ATRNL1: variants seen among roughly 807,000 people sequenced by gnomAD.
ATRNL1 encodes attractin like 1, also known as attractin-like protein 1.
In ATRNL1, 95 loss-of-function variants were observed where a neutral mutation model predicts 182.7. The observed-to-expected ratio is 0.52, with a 90% CI of 0.44 to 0.62. The LOEUF (loss-of-function observed/expected upper bound fraction) is 0.62, where lower values mean the gene tolerates loss of function less well. ATRNL1 is among the 20% of genes least tolerant of loss of function. The probability of loss-of-function intolerance (pLI) is 0.00; values close to 1 mark genes in which losing one functional copy is unlikely to be tolerated. For synonymous variants in ATRNL1, 576 were observed against 568.3 expected, an observed-to-expected ratio of 1.01 and a Z score of -0.19; for missense variants, 1,471 against 1,679.5, an observed-to-expected ratio of 0.88 and a Z score of 2.17.
chr10:115,615,232 T>C (rs1857371739), intron 26 of ATRNL1, among the ~76,000 whole-genome samples: 1 of 152,080 alleles, frequency 6.6e-6, no homozygotes, highest in Non-Finnish European at 1.5e-5. Flanking sequence ...TTTATAATAA[T>C]ATATACTGTA....
chr10:115,096,651 C>T (rs1007569891), intron 1 of ATRNL1: 32 of 1,288,370 alleles, frequency 2.5e-5, no homozygotes, highest in East Asian at 2.2e-4. Flanking sequence ...ATAGGGATTT[C>T]GCCAGGGAAT....
At chr10:115,757,723 A>G (rs1392684654) in intron 27 of ATRNL1, among the ~76,000 whole-genome samples, 1 of 152,096 alleles carries the variant, frequency 6.6e-6, no homozygotes. Context: ...TAGGTTGGGG[A>G]AGGTCTCTTG....
intron 25 of ATRNL1, among the ~76,000 whole-genome samples, chr10:115,524,159 C>T (rs1380523855): frequency 3.3e-5 from 5 of 152,122 alleles, no homozygotes; most frequent in Admixed American, 6.5e-5. Context: ...TGAGACACAA[C>T]GATGGCACAA....
intron 24 of ATRNL1, among the ~76,000 whole-genome samples, chr10:115,493,553 G>T (rs1157654326): frequency 6.6e-6 from 1 of 152,018 alleles, no homozygotes; most frequent in Non-Finnish European, 1.5e-5. Flanking sequence ...CTTTTCTATT[G>T]TGAATACTGC....
At chr10:115,475,190 T>C (rs907994999) in intron 24 of ATRNL1, among the ~76,000 whole-genome samples, 2 of 151,672 alleles carry the variant, frequency 1.3e-5, no homozygotes, top group East Asian at 3.9e-4. Flanking sequence ...AGTAGAGATA[T>C]GATGTTTTTA....
intron 19 of ATRNL1, among the ~76,000 whole-genome samples, chr10:115,354,663 G>A (rs1479954691): frequency 1.3e-5 from 2 of 151,898 alleles, no homozygotes; most frequent in African/African-American, 2.4e-5. Context: ...ATGTCTTGTG[G>A]TAGTCTTATT....
At chr10:115,648,456 TTA>T (rs1434931079) in intron 26 of ATRNL1, among the ~76,000 whole-genome samples, 2 of 152,100 alleles carry the variant, frequency 1.3e-5, no homozygotes, top group African/African-American at 4.8e-5. Context: ...AAAAACTACT[TTA>T]AAGTTCACAT....
At chr10:115,356,975 G>C (rs1856531977) in intron 19 of ATRNL1, among the ~76,000 whole-genome samples, 1 of 151,938 alleles carries the variant, frequency 6.6e-6, no homozygotes, top group South Asian at 2.1e-4. Context: ...TTTGGGGCCA[G>C]AGAGAAACTA....
intron 26 of ATRNL1, among the ~76,000 whole-genome samples, chr10:115,639,738 T>G (rs572027165): frequency 2.0e-5 from 3 of 152,074 alleles, no homozygotes; most frequent in African/African-American, 4.8e-5. Context: ...TAAAGTATGT[T>G]AAAGTAGTCC....
intron 10 of ATRNL1, among the ~76,000 whole-genome samples, chr10:115,246,553 C>CT (rs1226864852): frequency 0.017 from 2,042 of 117,912 alleles, 355 homozygotes; most frequent in African/African-American, 0.033. Flanking sequence ...CTCTCTCATT[C>CT]TTTTTTTTTT....
intron 24 of ATRNL1, among the ~76,000 whole-genome samples, chr10:115,515,674 C>A (rs1160971031): frequency 6.6e-6 from 1 of 151,762 alleles, no homozygotes; most frequent in Non-Finnish European, 1.5e-5. Flanking sequence ...AACATAACTT[C>A]TTGAAAGTTC....
At chr10:115,851,120 A>AT (rs1319001595) in intron 28 of ATRNL1, among the ~76,000 whole-genome samples, 12 of 65,400 alleles carry the variant, frequency 1.8e-4, no homozygotes, top group African/African-American at 4.7e-4. Flanking sequence ...AGCTTACTAA[A>AT]ATTTTTTTTT....
chr10:115,589,682 A>G (rs967208678), intron 26 of ATRNL1, among the ~76,000 whole-genome samples: 1 of 152,180 alleles, frequency 6.6e-6, no homozygotes, highest in Non-Finnish European at 1.5e-5. Context: ...ATTTTTAACA[A>G]AAATTTAGCA....
At chr10:115,816,017 T>G (rs1369125531) in intron 27 of ATRNL1, among the ~76,000 whole-genome samples, 1 of 152,104 alleles carries the variant, frequency 6.6e-6, no homozygotes, top group Non-Finnish European at 1.5e-5. Flanking sequence ...CAGAAACAGA[T>G]TCAGTGAATT....
Position 115,856,440 on chromosome 10 carries a change from A to AAAAAAAAAAAAAAAAAAAAAAAAAC in ATRNL1, c.4018+8459_4018+8460insAAAAAAAAAAAAAACAAAAAAAAAA, listed in dbSNP as rs1565439876. Reference sequence around the variant, plus strand: ...CGAAGCTCCATCTCAAAAAAAAAAAAAAAAAAAAAAGCCATACATACTGTT... The same window carrying AAAAAAAAAAAAAAAAAAAAAAAAAC: ...CGAAGCTCCATCTCAAAAAAAAAAAAAAAAAAAAAAAAAAAAAAAAAAAACAAAAAAAAAAGCCATACATACTGTT... On this transcript the variant is annotated intron_variant, in intron 28 of 28. Coordinates refer to ENST00000355044, the MANE Select transcript of ATRNL1 (RefSeq NM_207303.4). 1.4e-5 allele frequency among the ~76,000 whole-genome samples: 2 copies of AAAAAAAAAAAAAAAAAAAAAAAAAC among 145,206 alleles called. 1 individual carries two copies.
chr10:115,604,375 C>T (rs543420596), intron 26 of ATRNL1, among the ~76,000 whole-genome samples: 9 of 152,036 alleles, frequency 5.9e-5, no homozygotes, highest in South Asian at 2.1e-4. Context: ...TTCGAGTTTT[C>T]TACTGAGTAC....
intron 4 of ATRNL1, chr10:115,128,511 A>C (rs1554874164): frequency 3.4e-6 from 2 of 590,226 alleles, no homozygotes; most frequent in Non-Finnish European, 4.3e-6. Context: ...GTATCCAAGT[A>C]TGTATGCAAG....
chr10:115,670,879 TA>T (rs1248897259), intron 26 of ATRNL1, among the ~76,000 whole-genome samples: 1 of 152,130 alleles, frequency 6.6e-6, no homozygotes, highest in Non-Finnish European at 1.5e-5. Context: ...GTGATTAGTA[TA>T]AAAATCAAAT....
At chr10:115,871,616 G>T (rs1371035048) in intron 28 of ATRNL1, among the ~76,000 whole-genome samples, 1 of 151,776 alleles carries the variant, frequency 6.6e-6, no homozygotes, top group Non-Finnish European at 1.5e-5. Context: ...AGCAGGAACT[G>T]CTTGAGCAGC....
Sources: gnomAD v4.1 joint callset for allele counts (sites outside exome capture counted in the v4.1 genomes callset) on GRCh38, gnomAD v4.1.1 for gene constraint, MANE v1.5 for transcripts, NCBI Gene and HGNC (gene_info 2026-07-23, HGNC 2026-07-21) for gene names.